Variants in LRP1B observed in about 807,000 individuals in gnomAD.
The protein encoded by LRP1B is low-density lipoprotein receptor-related protein 1B.
Under a neutral mutation model 556.6 loss-of-function variants are expected in LRP1B, and 217 were observed. That is an observed-to-expected ratio of 0.39 (90% CI 0.35 to 0.44). LRP1B has a LOEUF of 0.44. Ranked by LOEUF, LRP1B falls within the 20% of genes least tolerant of loss-of-function variation. The probability of loss-of-function intolerance (pLI) is 1.00; values close to 1 mark genes in which losing one functional copy is unlikely to be tolerated. For missense variants in LRP1B, 5,053 were observed against 5,620.8 expected, an observed-to-expected ratio of 0.90 and a Z score of 3.23; for synonymous variants, 2,047 against 1,865.8, an observed-to-expected ratio of 1.10 and a Z score of -2.50.
intron 2 of LRP1B, among the ~76,000 whole-genome samples, chr2:141,586,776 A>T (rs923476216): frequency 6.6e-6 from 1 of 152,058 alleles, no homozygotes; most frequent in Non-Finnish European, 1.5e-5. Flanking sequence ...CCCCGTCTCT[A>T]CTAAAAACAC....
chr2:141,867,347 A>G (rs1163685065), intron 1 of LRP1B, among the ~76,000 whole-genome samples: 1 of 152,108 alleles, frequency 6.6e-6, no homozygotes, highest in Non-Finnish European at 1.5e-5. Context: ...ACTACACTAG[A>G]CCAGAATTAA....
At chr2:141,972,692 G>A (rs1261898142) in intron 1 of LRP1B, among the ~76,000 whole-genome samples, 1 of 151,332 alleles carries the variant, frequency 6.6e-6, no homozygotes, top group Non-Finnish European at 1.5e-5. Context: ...TTATCTCGAA[G>A]CACGATTGTT....
At chr2:141,006,506 G>A (rs1697579639) in intron 14 of LRP1B, among the ~76,000 whole-genome samples, 1 of 151,974 alleles carries the variant, frequency 6.6e-6, no homozygotes, top group African/African-American at 2.4e-5. Context: ...ATTTACACTT[G>A]CGCATCACTT....
chr2:141,327,875 T>TGTGA (rs1687483443), intron 3 of LRP1B, among the ~76,000 whole-genome samples: 1 of 90,656 alleles, frequency 1.1e-5, no homozygotes, highest in Non-Finnish European at 2.4e-5. Context: ...AGATAAAGAG[T>TGTGA]GAGAGAGAGA....
intron 43 of LRP1B, among the ~76,000 whole-genome samples, chr2:140,597,987 A>T (rs533546505): frequency 2.6e-5 from 4 of 152,296 alleles, no homozygotes; most frequent in African/African-American, 7.2e-5. Context: ...GTAGCCACCC[A>T]GATCTAACCA....
chr2:140,614,578 G>A (rs1295127355), intron 41 of LRP1B, among the ~76,000 whole-genome samples: 3 of 152,118 alleles, frequency 2.0e-5, no homozygotes, highest in South Asian at 2.1e-4. Context: ...GAGCTGAGTC[G>A]TTCAGAAAAA....
chr2:141,363,626 A>G (rs7577811), intron 3 of LRP1B, among the ~76,000 whole-genome samples: 4,085 of 152,248 alleles, frequency 0.027, 185 homozygotes, highest in African/African-American at 0.093. Flanking sequence ...ATATTTAATC[A>G]AAAACTTGAA....
chr2:140,762,307 C>T (rs1322758547), intron 35 of LRP1B, among the ~76,000 whole-genome samples: 1 of 152,036 alleles, frequency 6.6e-6, no homozygotes, highest in East Asian at 1.9e-4. Flanking sequence ...TCAAAGCAAC[C>T]AAGTCTTTCC....
At chr2:141,215,878 AG>A (rs1558938676) in intron 6 of LRP1B, among the ~76,000 whole-genome samples, 2 of 152,212 alleles carry the variant, frequency 1.3e-5, no homozygotes, top group African/African-American at 4.8e-5. Context: ...AGAGTATAAA[AG>A]TTTGGAAAGT....
intron 7 of LRP1B, among the ~76,000 whole-genome samples, chr2:141,085,831 C>T (rs368768864): frequency 3.9e-5 from 6 of 152,300 alleles, no homozygotes; most frequent in African/African-American, 1.4e-4. Context: ...AATCACTCAT[C>T]GCAGTTGTTT....
intron 2 of LRP1B, among the ~76,000 whole-genome samples, chr2:141,715,116 G>A (rs368805418): frequency 4.9e-4 from 74 of 152,280 alleles, no homozygotes; most frequent in African/African-American, 1.7e-3. Context: ...ACCAAACAAA[G>A]TGTACAGGTA....
chr2:141,231,728 G>C (rs1439572907), intron 5 of LRP1B, among the ~76,000 whole-genome samples: 1 of 150,400 alleles, frequency 6.6e-6, no homozygotes, highest in African/African-American at 2.4e-5. Context: ...CATTATTGTT[G>C]TCAAATGTAT....
At chr2:141,909,540 T>A (rs1224519885) in intron 1 of LRP1B, among the ~76,000 whole-genome samples, 22 of 46,166 alleles carry the variant, frequency 4.8e-4, no homozygotes, top group South Asian at 2.2e-3. Context: ...TTTTTTTTTT[T>A]TTTTTTTTTT....
chr2:141,944,505 G>T (rs911680602), intron 1 of LRP1B, among the ~76,000 whole-genome samples: 1 of 152,086 alleles, frequency 6.6e-6, no homozygotes, highest in East Asian at 1.9e-4. Flanking sequence ...AAATGGCCAA[G>T]GAATGCTTTG....
chr2:141,458,214 C>A (rs1681706400), intron 3 of LRP1B, among the ~76,000 whole-genome samples: 1 of 152,122 alleles, frequency 6.6e-6, no homozygotes, highest in Non-Finnish European at 1.5e-5. Flanking sequence ...TAATTGAGAA[C>A]AAATAATTGT....
At chr2:141,022,641 T>C (rs1237825235) in intron 11 of LRP1B, among the ~76,000 whole-genome samples, 1 of 151,918 alleles carries the variant, frequency 6.6e-6, no homozygotes, top group Non-Finnish European at 1.5e-5. Flanking sequence ...AATGACTCTA[T>C]GAACAAAAGC....
chr2:141,607,740 T>C (rs1479065610), intron 2 of LRP1B, among the ~76,000 whole-genome samples: 1 of 151,194 alleles, frequency 6.6e-6, no homozygotes, highest in Non-Finnish European at 1.5e-5. Context: ...CTGGACAACA[T>C]AGTGAGACCT....
At chr2:140,422,006 A>C (rs895894480) in intron 66 of LRP1B, among the ~76,000 whole-genome samples, 2 of 152,218 alleles carry the variant, frequency 1.3e-5, no homozygotes, top group African/African-American at 4.8e-5. Flanking sequence ...AGGTCAAGCC[A>C]ATTTTGTACA....
At chr2:140,590,509 C>G (rs937320759) in intron 43 of LRP1B, among the ~76,000 whole-genome samples, 2 of 151,614 alleles carry the variant, frequency 1.3e-5, no homozygotes, top group Non-Finnish European at 2.9e-5. Context: ...TAAATAAGGT[C>G]ATAAGGGTAG....
Sources: gnomAD v4.1 joint callset for allele counts (sites outside exome capture counted in the v4.1 genomes callset) on GRCh38, gnomAD v4.1.1 for gene constraint, MANE v1.5 for transcripts, NCBI Gene and HGNC (gene_info 2026-07-23, HGNC 2026-07-21) for gene names.